The following C16orf87 variants were observed in gnomAD, a reference collection of about 807,000 sequenced individuals.
The protein encoded by C16orf87 is HDAC and MIER1 interacting protein 1.
C16orf87 carries 13 observed loss-of-function variants against 21.0 expected under a neutral mutation model. The ratio of observed to expected loss-of-function variants is 0.62; its 90% CI spans 0.40 to 0.98. The LOEUF is 0.98. Ranked by LOEUF, C16orf87 falls within the 50% of genes least tolerant of loss-of-function variation. The pLI is 0.00. For missense variants in C16orf87, 113 were observed against 180.4 expected, an observed-to-expected ratio of 0.63 and a Z score of 2.14; for synonymous variants, 49 against 60.2, an observed-to-expected ratio of 0.81 and a Z score of 0.86.
chr16:46,811,595 A>G (rs1424931247), intron 2 of C16orf87, among the ~76,000 whole-genome samples: 2 of 152,108 alleles, frequency 1.3e-5, no homozygotes, highest in African/African-American at 4.8e-5. Flanking sequence ...GTAAAAAAAA[A>G]AAAATTCCAA....
chr16:46,806,631 CTATAT>C (rs1967937924), intron 3 of C16orf87, among the ~76,000 whole-genome samples: 1 of 152,092 alleles, frequency 6.6e-6, no homozygotes, highest in Admixed American at 6.5e-5. Flanking sequence ...AATGTCACTT[CTATAT>C]TATAATATCC....
At position 46,801,165 on chromosome 16, in the gene C16orf87, G is replaced by T. The variant is rs2143026073; in HGVS notation, c.*1787C>A. ...AAAATCAAAAGTTTCCTTACAGTATGTTTCAAAGATAAAATCACATTACAT... is the reference window on the plus strand; with the variant it reads ...AAAATCAAAAGTTTCCTTACAGTATTTTTCAAAGATAAAATCACATTACAT... On this transcript the variant is annotated 3_prime_UTR_variant, in exon 4 of 4. Coordinates refer to ENST00000285697, the MANE Select transcript of C16orf87 (RefSeq NM_001001436.4). 2 of 152,260 alleles carry T rather than the reference G, an allele frequency of 1.3e-5. No homozygotes were observed. The highest frequency in any genetic ancestry group is 4.1e-4 in the South Asian group (2 of 4,820). The allele number at this position is 152,260 out of a possible 1,614,324, so 9.4% of individuals were successfully genotyped here. A position where few individuals can be genotyped will look rare whatever the true frequency, so the allele number is the denominator to read the frequency against.
intron 2 of C16orf87, among the ~76,000 whole-genome samples, chr16:46,811,502 CAA>C (rs59450750): frequency 0.22 from 29,780 of 134,856 alleles, 3,113 homozygotes; most frequent in East Asian, 0.31. Context: ...AACTCCATCT[CAA>C]AAAAAAAAAA....
Position 46,824,398 on chromosome 16 carries a change from G to A in C16orf87, c.151C>T (p.Pro51Ser), listed in dbSNP as rs745613903. Residue 51 changes from proline to serine, a missense_variant, in exon 2 of 4, where the codon CCA becomes TCA. Transcript: ENST00000285697. ...LLNAKHSEKSPPSTENKHEAK... is the reference protein window; with the variant it reads ...LLNAKHSEKSSPSTENKHEAK... ...AACTCACAGTTACCTGTAGAAGGTGGTGATTTCTCTGAGTGTTTTGCATTT... is the reference window on the plus strand; with the variant it reads ...AACTCACAGTTACCTGTAGAAGGTGATGATTTCTCTGAGTGTTTTGCATTT... 2.0e-6 allele frequency: 3 copies of A among 1,473,982 alleles called. No homozygotes were observed. Among genetic ancestry groups the A allele is most frequent in the South Asian group, 2.4e-5 (2 of 83,580 alleles). The allele number at this position is 1,473,982 out of a possible 1,614,324, so 91.3% of individuals were successfully genotyped here. A position where few individuals can be genotyped will look rare whatever the true frequency, so the allele number is the denominator to read the frequency against.
At chr16:46,829,778 A>G (rs1046981401) in intron 1 of C16orf87, among the ~76,000 whole-genome samples, 1 of 152,276 alleles carries the variant, frequency 6.6e-6, no homozygotes, top group Admixed American at 6.5e-5. Flanking sequence ...TCTGATAAGC[A>G]TTTTTACTAC....
At chr16:46,824,630 T>A (rs1959546363) in intron 1 of C16orf87, 148 bp from the exon 2 acceptor site, 1 of 426,350 alleles carries the variant, frequency 2.3e-6, no homozygotes, top group South Asian at 5.0e-5. Flanking sequence ...CAACAAATTA[T>A]CTGAGATGAG....
intron 2 of C16orf87, among the ~76,000 whole-genome samples, chr16:46,813,469 A>G (rs1362960750): frequency 7.2e-6 from 1 of 138,296 alleles, no homozygotes; most frequent in Non-Finnish European, 1.6e-5. Context: ...GTACCAGCCA[A>G]TATTATCTTA....
chr16:46,805,442 C>T (rs808434), intron 3 of C16orf87, among the ~76,000 whole-genome samples: 121,924 of 152,146 alleles, frequency 0.8, 49,928 homozygotes, highest in East Asian at 1. Flanking sequence ...TTCCAACTGG[C>T]TTTTTGACCT....
chr16:46,815,010 C>G (rs971119661), intron 2 of C16orf87, among the ~76,000 whole-genome samples: 3 of 152,066 alleles, frequency 2.0e-5, no homozygotes, highest in Admixed American at 2.0e-4. Flanking sequence ...CAGTATGGTA[C>G]CGACATAAAG....
intron 2 of C16orf87, among the ~76,000 whole-genome samples, chr16:46,816,595 TAAAG>T (rs1968249931): frequency 6.6e-6 from 1 of 151,766 alleles, no homozygotes; most frequent in Non-Finnish European, 1.5e-5. Context: ...TAAAGAAAAA[TAAAG>T]GAAAGATCCA....
At chr16:46,814,592 C>A (rs1019233209) in intron 2 of C16orf87, among the ~76,000 whole-genome samples, 3 of 152,172 alleles carry the variant, frequency 2.0e-5, no homozygotes, top group Non-Finnish European at 2.9e-5. Flanking sequence ...ACTGAAGAGA[C>A]CTTTTGTCAA....
At chr16:46,808,565 C>A (rs115862575) in intron 3 of C16orf87, among the ~76,000 whole-genome samples, 2,487 of 152,246 alleles carry the variant, frequency 0.016, 78 homozygotes, top group African/African-American at 0.057. Context: ...AAGATGAAAT[C>A]ATTTTGACAG....
At chr16:46,825,815 G>A (rs1431401520) in intron 1 of C16orf87, among the ~76,000 whole-genome samples, 1 of 151,560 alleles carries the variant, frequency 6.6e-6, no homozygotes, top group African/African-American at 2.4e-5. Context: ...TTGGGTGGCT[G>A]AGGCAGGAGA....
At chr16:46,811,234 T>G (rs1968073917) in intron 2 of C16orf87, among the ~76,000 whole-genome samples, 2 of 152,118 alleles carry the variant, frequency 1.3e-5, no homozygotes, top group African/African-American at 2.4e-5. Context: ...CCAGGCGCGG[T>G]GGCTCACACC....
chr16:46,810,289 C>T (rs1349743552), intron 2 of C16orf87, among the ~76,000 whole-genome samples: 1 of 152,054 alleles, frequency 6.6e-6, no homozygotes, highest in African/African-American at 2.4e-5. Flanking sequence ...AAACCCTAGG[C>T]AAGTGAGTAA....
At chr16:46,807,380 G>A (rs150105249) in intron 3 of C16orf87, among the ~76,000 whole-genome samples, 1 of 151,640 alleles carries the variant, frequency 6.6e-6, no homozygotes, top group East Asian at 1.9e-4. Context: ...TCACTCCACT[G>A]CACTCCAGCC....
chr16:46,820,477 C>T (rs973904201), intron 2 of C16orf87, among the ~76,000 whole-genome samples: 4 of 152,078 alleles, frequency 2.6e-5, no homozygotes, highest in African/African-American at 9.7e-5. Flanking sequence ...GCAGTTTTTC[C>T]TTAAATTAAC....
chr16:46,821,728 T>C (rs548306328), intron 2 of C16orf87, among the ~76,000 whole-genome samples: 76 of 152,330 alleles, frequency 5.0e-4, no homozygotes, highest in African/African-American at 1.8e-3. Flanking sequence ...CCTGAATGCC[T>C]TCCTCTTCCT....
chr16:46,808,072 C>T (rs757723479), intron 3 of C16orf87: 28 of 455,872 alleles, frequency 6.1e-5, no homozygotes, highest in South Asian at 4.3e-4. Flanking sequence ...TTTTTCTCTG[C>T]TGACTTTTCT....
Sources: allele counts gnomAD v4.1 joint callset (sites outside exome capture counted in the v4.1 genomes callset), GRCh38; gene constraint gnomAD v4.1.1; transcripts MANE v1.5; gene names NCBI Gene and HGNC (gene_info 2026-07-23, HGNC 2026-07-21).